The following MAN1A2 variants were observed in gnomAD, a reference collection of about 807,000 sequenced individuals.
MAN1A2 encodes the protein mannosyl-oligosaccharide 1,2-alpha-mannosidase IB.
In MAN1A2, 26 loss-of-function variants were observed where a neutral mutation model predicts 75.7. The ratio of observed to expected loss-of-function variants is 0.34; its 90% CI spans 0.25 to 0.48. MAN1A2 has a LOEUF of 0.48. Among genes scored for constraint, MAN1A2 ranks in the 20% least tolerant of loss-of-function variants. The probability of loss-of-function intolerance (pLI) is 0.99; values close to 1 mark genes in which losing one functional copy is unlikely to be tolerated. For missense variants in MAN1A2, 562 were observed against 775.5 expected (o/e 0.72, Z 3.27); for synonymous variants, 247 against 264.6 (o/e 0.93, Z 0.65).
At chr1:117,491,618 C>G (rs891083584) in intron 8 of MAN1A2, among the ~76,000 whole-genome samples, 17 of 152,058 alleles carry the variant, frequency 1.1e-4, no homozygotes, top group African/African-American at 4.1e-4. Flanking sequence ...TTCAGACTCT[C>G]AAGTCTTATT....
chr1:117,433,509 A>G (rs1031456502), intron 5 of MAN1A2, among the ~76,000 whole-genome samples: 2 of 152,204 alleles, frequency 1.3e-5, no homozygotes, highest in Non-Finnish European at 2.9e-5. Context: ...CATTTTCACT[A>G]TTTACATTTA....
intron 12 of MAN1A2, among the ~76,000 whole-genome samples, chr1:117,510,425 C>G (rs565309345): frequency 6.6e-6 from 1 of 152,116 alleles, no homozygotes; most frequent in Non-Finnish European, 1.5e-5. Flanking sequence ...TTTGAATGAA[C>G]AAACCTTTTG....
At chr1:117,415,958 CT>C (rs957213521) in intron 4 of MAN1A2, among the ~76,000 whole-genome samples, 12 of 152,186 alleles carry the variant, frequency 7.9e-5, no homozygotes, top group Middle Eastern at 6.8e-3. Flanking sequence ...GAAATGTAGT[CT>C]TTTTTTCTGT....
intron 1 of MAN1A2, among the ~76,000 whole-genome samples, chr1:117,386,498 T>C (rs1653528506): frequency 6.6e-6 from 1 of 152,144 alleles, no homozygotes; most frequent in Non-Finnish European, 1.5e-5. Context: ...ATCCTCCTCA[T>C]AATGCCAGTA....
intron 3 of MAN1A2, among the ~76,000 whole-genome samples, chr1:117,412,488 C>G (rs1290457997): frequency 1.3e-5 from 2 of 151,376 alleles, no homozygotes; most frequent in East Asian, 3.9e-4. Context: ...TCATCCATTT[C>G]TGCCTTTAGT....
intron 4 of MAN1A2, among the ~76,000 whole-genome samples, chr1:117,416,816 G>A (rs1233072881): frequency 6.6e-6 from 1 of 152,100 alleles, no homozygotes; most frequent in Non-Finnish European, 1.5e-5. Context: ...GGTACCTCAG[G>A]AAGACTGTGT....
intron 1 of MAN1A2, among the ~76,000 whole-genome samples, chr1:117,370,772 G>A (rs1166670672): frequency 2.3e-5 from 2 of 86,446 alleles, no homozygotes; most frequent in African/African-American, 8.2e-5. Flanking sequence ...TGTGTGTAAG[G>A]GTACAGGATA....
At chr1:117,407,996 G>A (rs992930002) in intron 3 of MAN1A2, among the ~76,000 whole-genome samples, 3 of 152,190 alleles carry the variant, frequency 2.0e-5, no homozygotes, top group African/African-American at 4.8e-5. Context: ...ACCAAATGCT[G>A]TGCTTAGGAG....
At chr1:117,464,974 G>A (rs974897240) in intron 7 of MAN1A2, among the ~76,000 whole-genome samples, 22 of 152,136 alleles carry the variant, frequency 1.4e-4, no homozygotes, top group South Asian at 1.2e-3. Context: ...CACAAAATAC[G>A]TAAAAGAGCA....
intron 1 of MAN1A2, among the ~76,000 whole-genome samples, chr1:117,369,519 A>G (rs1049669977): frequency 1.3e-5 from 2 of 152,214 alleles, no homozygotes; most frequent in African/African-American, 4.8e-5. Context: ...GTAAGCCTAC[A>G]TTAAATATTT....
At chr1:117,481,606 A>G (rs552389360) in intron 8 of MAN1A2, among the ~76,000 whole-genome samples, 1 of 152,048 alleles carries the variant, frequency 6.6e-6, no homozygotes, top group Admixed American at 6.6e-5. Flanking sequence ...GGGTTTGTTC[A>G]TGTGTCTGCA....
intron 4 of MAN1A2, among the ~76,000 whole-genome samples, chr1:117,417,874 G>A (rs1236597445): frequency 3.3e-5 from 5 of 151,716 alleles, no homozygotes; most frequent in African/African-American, 4.8e-5. Flanking sequence ...CAGGAGGATC[G>A]CTTGAGCCCA....
intron 8 of MAN1A2, among the ~76,000 whole-genome samples, chr1:117,479,306 A>G (rs12131343): frequency 0.12 from 18,254 of 151,956 alleles, 1,154 homozygotes; most frequent in Non-Finnish European, 0.14. Flanking sequence ...ATAGTATTCC[A>G]TGATGTGTAT....
intron 1 of MAN1A2, among the ~76,000 whole-genome samples, chr1:117,393,280 C>A (rs1163813022): frequency 1.3e-5 from 2 of 152,098 alleles, no homozygotes; most frequent in African/African-American, 2.4e-5. Flanking sequence ...TTAAGGAGAT[C>A]TTTTTATTAC....
Position 117,523,244 on chromosome 1 carries a change from T to C in MAN1A2, c.*287T>C, listed in dbSNP as rs1283418082. ...ATGATACCTGTTACTACTGTATTGT[T>C]TTTAGAGTCCTGAAGTCTGGAGGCT... On this transcript the variant is annotated 3_prime_UTR_variant, in exon 13 of 13. Coordinates refer to ENST00000356554, the MANE Select transcript of MAN1A2 (RefSeq NM_006699.5). 3.7e-6 allele frequency: 2 copies of C among 541,256 alleles called. No homozygotes were observed. The highest frequency in any genetic ancestry group is 7.3e-6 in the Non-Finnish European group (2 of 273,038). 33.5% of individuals were successfully genotyped at this position (541,256 alleles called of 1,614,324 possible). A position where few individuals can be genotyped will look rare whatever the true frequency, so the allele number is the denominator to read the frequency against.
At chr1:117,461,968 C>T (rs935836836) in intron 7 of MAN1A2, among the ~76,000 whole-genome samples, 1 of 152,088 alleles carries the variant, frequency 6.6e-6, no homozygotes, top group African/African-American at 2.4e-5. Context: ...TCAACATTGA[C>T]AGTATAGTAT....
At chr1:117,368,575 A>C in intron 1 of MAN1A2, 90 bp downstream of exon 1, 1 of 1,233,808 alleles carries the variant, frequency 8.1e-7, no homozygotes, top group Non-Finnish European at 1.1e-6. Flanking sequence ...TTCTTGCAGT[A>C]AAATGTAATT....
chr1:117,492,995 G>A, intron 8 of MAN1A2, 152 bp from the exon 9 acceptor site: 1 of 573,088 alleles, frequency 1.7e-6, no homozygotes, highest in Non-Finnish European at 3.1e-6. Context: ...TTACTTCTGG[G>A]ACTAAATTTG....
At chr1:117,504,642 C>CTAA (rs1398812515) in intron 12 of MAN1A2, among the ~76,000 whole-genome samples, 1 of 151,284 alleles carries the variant, frequency 6.6e-6, no homozygotes, top group Non-Finnish European at 1.5e-5. Flanking sequence ...CAATAATGTA[C>CTAA]TTTATTTTTG....
Sources: gnomAD v4.1 joint callset for allele counts (sites outside exome capture counted in the v4.1 genomes callset) on GRCh38, gnomAD v4.1.1 for gene constraint, MANE v1.5 for transcripts, NCBI Gene and HGNC (gene_info 2026-07-23, HGNC 2026-07-21) for gene names.